Variants in RABGAP1 observed in about 807,000 individuals in gnomAD.
RABGAP1 encodes rab GTPase-activating protein 1.
A neutral mutation model predicts 137.6 loss-of-function variants in RABGAP1; 23 were observed. The observed-to-expected ratio is 0.17, with a 90% CI of 0.12 to 0.24. The LOEUF (loss-of-function observed/expected upper bound fraction) is 0.24, where lower values mean the gene tolerates loss of function less well. RABGAP1 is among the 10% of genes least tolerant of loss of function. RABGAP1 has a pLI of 1.00. For synonymous variants in RABGAP1, 451 were observed against 450.7 expected (o/e 1.00, Z -0.01); for missense variants, 906 against 1,275.8 (o/e 0.71, Z 4.42).
In RABGAP1 at chr9:122,957,030, C is replaced by A. The variant is rs1179584612; in HGVS notation, c.-30C>A. The A allele has an allele frequency of 7.0e-6, 10 of 1,418,660 alleles. No individual in the cohort carries two copies. The highest frequency in any genetic ancestry group is 1.8e-5 in the South Asian group (1 of 55,534). The allele number at this position is 1,418,660 out of a possible 1,614,324, so 87.9% of individuals were successfully genotyped here. On this transcript the variant is annotated 5_prime_UTR_variant, in exon 2 of 26. Coordinates refer to ENST00000373647, the MANE Select transcript of RABGAP1 (RefSeq NM_012197.4). ...TTTCAGGCATTAAAAAATATTTAAT[C>A]ATTCATGTGTTGAGACTCATTCTTG...
chr9:123,043,010 T>A (rs971052800), intron 13 of RABGAP1, among the ~76,000 whole-genome samples: 3 of 152,072 alleles, frequency 2.0e-5, no homozygotes, highest in Non-Finnish European at 4.4e-5. Context: ...TAGAAGATAA[T>A]GGGTAATAGC....
chr9:122,969,958 A>G (rs12338705), intron 2 of RABGAP1, among the ~76,000 whole-genome samples: 4 of 152,050 alleles, frequency 2.6e-5, no homozygotes, highest in African/African-American at 9.7e-5. Context: ...GTGGAGTGGC[A>G]TGGCACAATC....
chr9:123,059,511 C>T (rs1353938226), intron 13 of RABGAP1, among the ~76,000 whole-genome samples: 7 of 152,002 alleles, frequency 4.6e-5, no homozygotes, highest in Admixed American at 1.3e-4. Context: ...GGCGAGATTG[C>T]GCCACTGCAC....
At chr9:122,940,530 C>G (rs979480809), upstream of RABGAP1, among the ~76,000 whole-genome samples, 4 of 152,140 alleles carry the variant, frequency 2.6e-5, no homozygotes, top group African/African-American at 7.2e-5. Flanking sequence ...AATGAGATAG[C>G]CACATAAAGA....
chr9:123,092,291 C>T (rs2035053742), intron 21 of RABGAP1, among the ~76,000 whole-genome samples: 1 of 152,150 alleles, frequency 6.6e-6, no homozygotes, highest in African/African-American at 2.4e-5. Context: ...AGTGAGAGAA[C>T]CAGGTTTCAT....
intron 11 of RABGAP1, 132 bp downstream of exon 11, chr9:123,010,660 TA>T: frequency 1.2e-6 from 1 of 830,064 alleles, no homozygotes; most frequent in East Asian, 2.8e-5. Flanking sequence ...GAGAGTTTAC[TA>T]TATGTAAGTA....
intron 13 of RABGAP1, among the ~76,000 whole-genome samples, chr9:123,052,684 CT>C (rs1414519429): frequency 3.9e-5 from 6 of 152,150 alleles, no homozygotes; most frequent in African/African-American, 1.4e-4. Context: ...AATCCCAGCA[CT>C]TTGGGAGGCT....
At chr9:123,087,135 A>T (rs1273963993) in intron 19 of RABGAP1, among the ~76,000 whole-genome samples, 1 of 152,212 alleles carries the variant, frequency 6.6e-6, no homozygotes, top group Non-Finnish European at 1.5e-5. Context: ...GTTATATATG[A>T]TACTGAGGGA....
intron 2 of RABGAP1, among the ~76,000 whole-genome samples, chr9:122,982,956 A>C (rs990249734): frequency 6.6e-6 from 1 of 152,106 alleles, no homozygotes; most frequent in Non-Finnish European, 1.5e-5. Flanking sequence ...TGCAGCCTCA[A>C]CTTCTGGGCT....
chr9:123,034,883 G>C (rs749280190), intron 13 of RABGAP1: 7 of 1,613,778 alleles, frequency 4.3e-6, no homozygotes, highest in Non-Finnish European at 5.9e-6. Flanking sequence ...CAGATATTTG[G>C]TTTTGTAGTA....
chr9:123,084,452 G>A lies in RABGAP1; in HGVS notation c.2425-5306G>A, dbSNP rs80266125. On this transcript the variant is annotated intron_variant, in intron 19 of 25. Transcript: ENST00000373647. ...TCACCCAACAACATGCTTCTCTCTC[G>A]CCATGCAGAGCTACTAATGTTCAAC... is the stretch of plus-strand genomic sequence containing the variant. Among the ~76,000 whole-genome samples, 43 of 152,200 alleles carry A rather than the reference G, an allele frequency of 2.8e-4. No homozygotes were observed. In the East Asian group the frequency reaches 5.8e-3, roughly 20 times the overall value.
chr9:123,051,217 T>G (rs10985874), intron 13 of RABGAP1, among the ~76,000 whole-genome samples: 6 of 13,208 alleles, frequency 4.5e-4, no homozygotes, highest in Non-Finnish European at 6.6e-4. Flanking sequence ...TTCACCTTGG[T>G]TTTTTTTTTT....
chr9:122,957,633 A>C (rs369692944), intron 2 of RABGAP1, among the ~76,000 whole-genome samples: 9 of 151,934 alleles, frequency 5.9e-5, no homozygotes, highest in African/African-American at 2.2e-4. Flanking sequence ...ATAATTTCTC[A>C]GCCACTATTA....
At chr9:123,081,834 A>G (rs2034717798) in intron 19 of RABGAP1, among the ~76,000 whole-genome samples, 1 of 152,212 alleles carries the variant, frequency 6.6e-6, no homozygotes, top group Admixed American at 6.5e-5. Context: ...ATACCCTGTG[A>G]GATACAATAG....
chr9:123,018,687 A>G (rs1229590746), intron 12 of RABGAP1, among the ~76,000 whole-genome samples: 1 of 152,254 alleles, frequency 6.6e-6, no homozygotes, highest in Non-Finnish European at 1.5e-5. Context: ...AAACTATTGA[A>G]CTGTCCATAG....
chr9:123,073,531 C>T, intron 15 of RABGAP1, 21 bp from the exon 16 acceptor site: 1 of 1,603,524 alleles, frequency 6.2e-7, no homozygotes, highest in Non-Finnish European at 8.5e-7. Flanking sequence ...CCCTACCCAA[C>T]AACTTGCCTA....
intron 11 of RABGAP1, among the ~76,000 whole-genome samples, chr9:123,012,374 TAAAAC>T (rs750644199): frequency 1.5e-4 from 23 of 152,164 alleles, no homozygotes; most frequent in South Asian, 8.3e-4. Flanking sequence ...GCGATAAAAA[TAAAAC>T]AAAACAAACA....
intron 1 of RABGAP1, among the ~76,000 whole-genome samples, chr9:122,946,863 C>G (rs531182153): frequency 6.6e-6 from 1 of 152,162 alleles, no homozygotes; most frequent in South Asian, 2.1e-4. Context: ...ACATTTCATC[C>G]CTACTTGTTA....
intron 13 of RABGAP1, among the ~76,000 whole-genome samples, chr9:123,051,181 T>G (rs112058802): frequency 2.8e-4 from 42 of 148,636 alleles, no homozygotes; most frequent in African/African-American, 9.8e-4. Flanking sequence ...TGCCTTTTCT[T>G]TGAGGAGCCA....
Sources: allele counts gnomAD v4.1 joint callset (sites outside exome capture counted in the v4.1 genomes callset), GRCh38; gene constraint gnomAD v4.1.1; transcripts MANE v1.5; gene names NCBI Gene and HGNC (gene_info 2026-07-23, HGNC 2026-07-21).